TCF3: variants seen among roughly 807,000 people sequenced by gnomAD.
TCF3 encodes the protein transcription factor 3.
Under a neutral mutation model 72.3 loss-of-function variants are expected in TCF3, and 54 were observed. That is an observed-to-expected ratio of 0.75 (90% CI 0.60 to 0.94). The LOEUF (loss-of-function observed/expected upper bound fraction) is 0.94, where lower values mean the gene tolerates loss of function less well. TCF3 is among the 40% of genes least tolerant of loss of function. The pLI, the probability that TCF3 is intolerant of heterozygous loss-of-function variation, is 0.00. For missense variants in TCF3, 1,078 were observed against 934.4 expected, an observed-to-expected ratio of 1.15 and a Z score of -2.00; for synonymous variants, 525 against 412.6, an observed-to-expected ratio of 1.27 and a Z score of -3.30.
rs2145811041 is a variant in TCF3 at position 1,614,248 on chromosome 19, G to A, written c.1822+1037C>T. On this transcript the variant is annotated intron_variant, in intron 18 of 18. Transcript: ENST00000262965. This position sits in a 1 kb window ranked among gnomAD's most constrained non-coding sequence, Gnocchi z 5.6. ...GGGCCTGAGGGGATCCCTCCAGGTG[G>A]TGGGGGCGGCCCCTGGAGCCCAGGA... Among the ~76,000 whole-genome samples the A allele has an allele frequency of 6.6e-6, 1 of 152,346 alleles. No individual in the cohort carries two copies. Among genetic ancestry groups the A allele is most frequent in the East Asian group, 1.9e-4 (1 of 5,186 alleles).
chr19:1,651,391 C>G (rs1351402272), intron 1 of TCF3: 1 of 227,446 alleles, frequency 4.4e-6, no homozygotes, highest in African/African-American at 2.2e-5. Flanking sequence ...AGCGGGCGCC[C>G]CAGCGCAGCC....
intron 16 of TCF3, 78 bp downstream of exon 16, chr19:1,619,033 C>T: frequency 6.3e-7 from 1 of 1,590,072 alleles, no homozygotes; most frequent in Non-Finnish European, 8.5e-7. Flanking sequence ...GGGCTCCCAC[C>T]CTGACCCCCA....
At position 1,614,874 on chromosome 19, in the gene TCF3, C is replaced by T. The variant is rs1216706675; in HGVS notation, c.1822+411G>A. Among the ~76,000 whole-genome samples the T allele has an allele frequency of 6.6e-6, 1 of 152,096 alleles. No individual in the cohort carries two copies. Among genetic ancestry groups the T allele is most frequent in the African/African-American group, 2.4e-5 (1 of 41,378 alleles). ...TGGCATCTGCCTGACGGGAAGGGGC[C>T]AGGGTGGTTTGCACACCAGCTCCTG... On this transcript the variant is annotated intron_variant, in intron 18 of 18. Coordinates refer to ENST00000262965, the MANE Select transcript of TCF3 (RefSeq NM_003200.5). This position sits in a 1 kb window ranked among gnomAD's most constrained non-coding sequence, Gnocchi z 5.6.
chr19:1,652,504 T>TGGGGCAGCGGCGTGCGCGGTGCCCGCG lies in TCF3; in HGVS notation c.-271_-245dup, dbSNP rs2145872553. On this transcript the variant is annotated 5_prime_UTR_variant, in exon 1 of 19. Coordinates refer to ENST00000262965, the MANE Select transcript of TCF3 (RefSeq NM_003200.5). ...TGCGCGCGGCCGGCCGGGGCGCCCC[T>TGGGGCAGCGGCGTGCGCGGTGCCCGCG]GGGGCAGCGGCGTGCGCGGTGCCCG... The TGGGGCAGCGGCGTGCGCGGTGCCCGCG allele has an allele frequency of 1.5e-5, 2 of 132,484 alleles. No individual in the cohort carries two copies. Among genetic ancestry groups the TGGGGCAGCGGCGTGCGCGGTGCCCGCG allele is most frequent in the East Asian group, 5.0e-4 (2 of 3,982 alleles). The allele number at this position is 132,484 out of a possible 1,614,324, so 8.2% of individuals were successfully genotyped here. A position where few individuals can be genotyped will look rare whatever the true frequency, so the allele number is the denominator to read the frequency against.
In TCF3 at chr19:1,625,573, C is replaced by T. The variant is rs751006459; in HGVS notation, c.499+3G>A. 1.9e-6 allele frequency: 3 copies of T among 1,581,584 alleles called. No individual in the cohort carries two copies. The highest frequency in any genetic ancestry group is 2.6e-6 in the Non-Finnish European group (3 of 1,167,278). On this transcript the variant is annotated splice_donor_region_variant and intron_variant, in intron 7 of 18. Transcript: ENST00000262965. Reference sequence around the variant, plus strand: ...CCCGATGCCCCGGCCAGACCCCGCTCACCTAGGCTGCCGTCTGCCGCTCTC... The same window carrying T: ...CCCGATGCCCCGGCCAGACCCCGCTTACCTAGGCTGCCGTCTGCCGCTCTC...
intron 3 of TCF3, among the ~76,000 whole-genome samples, chr19:1,644,408 C>A (rs1461621144): frequency 6.6e-6 from 1 of 152,130 alleles, no homozygotes; most frequent in Non-Finnish European, 1.5e-5. Context: ...GGGGTCACCC[C>A]TCTGTGTCCA....
At chr19:1,627,015 C>T (rs988934146) in intron 6 of TCF3, among the ~76,000 whole-genome samples, 3 of 152,198 alleles carry the variant, frequency 2.0e-5, no homozygotes, top group Admixed American at 6.5e-5. Context: ...GTGAGGATCT[C>T]GGCTGCACAG....
At chr19:1,632,707 T>A (rs2063855278) in intron 3 of TCF3, among the ~76,000 whole-genome samples, 1 of 152,122 alleles carries the variant, frequency 6.6e-6, no homozygotes, top group African/African-American at 2.4e-5. Flanking sequence ...GGCAAAGACC[T>A]CACTCTCACG....
chr19:1,647,178 C>G (rs752686321), intron 2 of TCF3, among the ~76,000 whole-genome samples: 1 of 152,106 alleles, frequency 6.6e-6, no homozygotes, highest in Admixed American at 6.5e-5. Context: ...CCGGCTCACC[C>G]GTACCCAGAA....
chr19:1,622,022 G>A (rs576755691), intron 10 of TCF3, 32 bp downstream of exon 10: 17 of 859,192 alleles, frequency 2.0e-5, no homozygotes, highest in East Asian at 1.2e-4. Flanking sequence ...GCCACCCTCC[G>A]CCCACCCCCT....
chr19:1,622,027 C>A (rs2062296994), intron 10 of TCF3, 27 bp downstream of exon 10: 3 of 1,593,038 alleles, frequency 1.9e-6, no homozygotes, highest in Admixed American at 1.7e-5. Flanking sequence ...CCTCCGCCCA[C>A]CCCCTGCCCC....
intron 13 of TCF3, among the ~76,000 whole-genome samples, chr19:1,620,205 G>C (rs2062017737): frequency 1.3e-5 from 2 of 152,306 alleles, no homozygotes; most frequent in South Asian, 4.1e-4. Context: ...AGGCAAGAAA[G>C]TGGCAAGCTC....
intron 6 of TCF3, 66 bp from the exon 7 acceptor site, chr19:1,625,774 G>GA (rs2062807402): frequency 2.1e-6 from 3 of 1,427,638 alleles, no homozygotes; most frequent in African/African-American, 1.5e-5. Flanking sequence ...TTCCATTCAA[G>GA]AAAAAACTGC....
At position 1,615,959 on chromosome 19, in the gene TCF3, A is replaced by C. The variant is rs1156332945; in HGVS notation, c.1451-138T>G. 7.7e-6 allele frequency: 8 copies of C among 1,045,388 alleles called. No homozygotes were observed. The African/African-American group carries it at 8.0e-5, about 10-fold the overall frequency. The allele number at this position is 1,045,388 out of a possible 1,614,324, so 64.8% of individuals were successfully genotyped here. On this transcript the variant is annotated intron_variant, in intron 16 of 18. Coordinates refer to ENST00000262965, the MANE Select transcript of TCF3 (RefSeq NM_003200.5). This position sits in a 1 kb window ranked among gnomAD's most constrained non-coding sequence, Gnocchi z 7.3. ...CCAAAAATAAAAACAAAAAACCAAC[A>C]ACCAGAACTGGATCCCTACCTCACG...
At chr19:1,651,218 C>G (rs576812252) in intron 1 of TCF3, 132 of 228,970 alleles carry the variant, frequency 5.8e-4, no homozygotes, top group African/African-American at 2.8e-3. Flanking sequence ...ACTCCAGGCC[C>G]CTCCAGTCTC....
intron 3 of TCF3, among the ~76,000 whole-genome samples, chr19:1,637,242 T>C (rs1455643420): frequency 1.4e-5 from 2 of 147,748 alleles, no homozygotes; most frequent in Non-Finnish European, 3.0e-5. Flanking sequence ...CCTGGCAACC[T>C]CCTCCACCAG....
intron 2 of TCF3, among the ~76,000 whole-genome samples, chr19:1,649,384 A>C (rs1480155687): frequency 6.6e-6 from 1 of 152,146 alleles, no homozygotes; most frequent in Non-Finnish European, 1.5e-5. Flanking sequence ...CTGTTCACGG[A>C]GGGTGGTCCG....
At chr19:1,632,180 T>C in intron 4 of TCF3, 64 bp from the exon 5 acceptor site, 9 of 1,576,382 alleles carry the variant, frequency 5.7e-6, no homozygotes, top group South Asian at 2.3e-5. Context: ...CCACCCCGCA[T>C]TACAGCTGGA....
In TCF3 at chr19:1,611,601, G is replaced by GCATCGAGGTGTGGAT. The variant is rs1485450288; in HGVS notation, c.*105_*106insATCCACACCTCGATG. Reference sequence around the variant, plus strand: ...TGGTGTTGGCTCGATGCTGACAACAGGTGTGTGAGGTGTGGATGTGGATGA... The same window carrying GCATCGAGGTGTGGAT: ...TGGTGTTGGCTCGATGCTGACAACAGCATCGAGGTGTGGATGTGTGTGAGGTGTGGATGTGGATGA... On this transcript the variant is annotated 3_prime_UTR_variant, in exon 19 of 19. Transcript: ENST00000262965. 7.0e-7 allele frequency: 1 copy of GCATCGAGGTGTGGAT among 1,438,794 alleles called. No homozygotes were observed. The highest frequency in any genetic ancestry group is 9.3e-7 in the Non-Finnish European group (1 of 1,070,000). 89.1% of individuals were successfully genotyped at this position (1,438,794 alleles called of 1,614,324 possible).
Sources: gnomAD v4.1 joint callset for allele counts (sites outside exome capture counted in the v4.1 genomes callset) on GRCh38, gnomAD v4.1.1 for gene constraint, Gnocchi (gnomAD v3.1) non-coding constraint, MANE v1.5 for transcripts, NCBI Gene and HGNC (gene_info 2026-07-23, HGNC 2026-07-21) for gene names.